Variants in CNBD2 observed in about 807,000 individuals in gnomAD.
CNBD2 encodes the protein cyclic nucleotide-binding domain-containing protein 2.
CNBD2 carries 64 observed loss-of-function variants against 63.7 expected under a neutral mutation model. The ratio of observed to expected loss-of-function variants is 1.00; its 90% CI spans 0.82 to 1.24. The LOEUF (loss-of-function observed/expected upper bound fraction) is 1.24. CNBD2 is among the 50% of genes most tolerant of loss of function. The probability of loss-of-function intolerance (pLI) is 0.00; values close to 1 mark genes in which losing one functional copy is unlikely to be tolerated. For synonymous variants in CNBD2, 229 were observed against 255.4 expected (o/e 0.90, Z 0.99); for missense variants, 691 against 713.5 (o/e 0.97, Z 0.36).
At chr20:36,005,018 A>G (rs2056965349) in intron 8 of CNBD2, among the ~76,000 whole-genome samples, 1 of 152,186 alleles carries the variant, frequency 6.6e-6, no homozygotes, top group African/African-American at 2.4e-5. Context: ...TTATATGCAT[A>G]TATCATAATT....
intron 7 of CNBD2, among the ~76,000 whole-genome samples, chr20:35,991,519 A>C (rs549253528): frequency 1.2e-4 from 18 of 152,294 alleles, no homozygotes; most frequent in Admixed American, 2.6e-4. Context: ...CTCTGTGCTA[A>C]AATTTTGAGG....
intron 10 of CNBD2, among the ~76,000 whole-genome samples, chr20:36,022,422 TCTC>T (rs1207733575): frequency 1.3e-5 from 2 of 151,710 alleles, no homozygotes; most frequent in East Asian, 3.9e-4. Flanking sequence ...ATGGTCTTGA[TCTC>T]CTGATCTCGT....
intron 8 of CNBD2, among the ~76,000 whole-genome samples, chr20:36,002,260 G>C (rs1330822001): frequency 6.6e-6 from 1 of 152,266 alleles, no homozygotes; most frequent in East Asian, 1.9e-4. Context: ...AGTCAGGCGT[G>C]GCGGTGCGCG....
chr20:36,008,361 C>A lies in CNBD2; in HGVS notation c.1035C>A (p.Ser345Arg), dbSNP rs2057012533. ...AATCATATCCTCTGCAAGACTTTAG[C>A]TCCTTGAAACTTCCACATCTCAAAA... ...QIKSYPLQDF[S>R]SLKLPHLKKA... Residue 345 changes from serine (S) to arginine (R), a missense_variant, in exon 9 of 12, where the codon AGC becomes AGA. Transcript: ENST00000373973. 6.2e-7 allele frequency: 1 copy of A among 1,613,862 alleles called. No individual in the cohort carries two copies. Among genetic ancestry groups the A allele is most frequent in the African/African-American group, 1.3e-5 (1 of 74,918 alleles).
intron 8 of CNBD2, among the ~76,000 whole-genome samples, chr20:36,005,107 G>A (rs1015853943): frequency 1.3e-5 from 2 of 152,224 alleles, no homozygotes; most frequent in South Asian, 2.1e-4. Context: ...TGGTGTGTTT[G>A]TCTTTGCATC....
chr20:35,989,903 A>C (rs1190015429), intron 7 of CNBD2, among the ~76,000 whole-genome samples: 1 of 116,042 alleles, frequency 8.6e-6, no homozygotes, highest in Non-Finnish European at 1.8e-5. Flanking sequence ...AGGGGAGGGG[A>C]GGGGAGGGGG....
intron 4 of CNBD2, among the ~76,000 whole-genome samples, chr20:35,983,367 C>G (rs1005852748): frequency 6.6e-6 from 1 of 152,010 alleles, no homozygotes; most frequent in Admixed American, 6.6e-5. Context: ...GACTTGCATA[C>G]GAAATACAGA....
At chr20:35,955,603 C>G (rs2056248539), downstream of CNBD2, among the ~76,000 whole-genome samples, 1 of 152,140 alleles carries the variant, frequency 6.6e-6, no homozygotes, top group Non-Finnish European at 1.5e-5. Context: ...AAACTGCTTG[C>G]TATCTCTGAG....
chr20:36,002,223 C>A (rs1379286180), intron 8 of CNBD2, among the ~76,000 whole-genome samples: 1 of 152,226 alleles, frequency 6.6e-6, no homozygotes, highest in African/African-American at 2.4e-5. Context: ...AGCGAAACCC[C>A]GTCTCCACCA....
At chr20:35,968,940 C>A (rs2056373938) in intron 1 of CNBD2, 127 bp downstream of exon 1, 2 of 671,278 alleles carry the variant, frequency 3.0e-6, no homozygotes, top group East Asian at 5.9e-5. Context: ...CTTTTGGAGT[C>A]ACAGCATGGC....
At chr20:35,987,974 A>T (rs1258334712) in intron 7 of CNBD2, among the ~76,000 whole-genome samples, 1 of 152,074 alleles carries the variant, frequency 6.6e-6, no homozygotes, top group Non-Finnish European at 1.5e-5. Context: ...GGTTTCAGCA[A>T]TTCTTCTGCC....
upstream of CNBD2, chr20:35,954,690 G>T: frequency 8.7e-7 from 1 of 1,150,264 alleles, no homozygotes; most frequent in Non-Finnish European, 1.1e-6. Flanking sequence ...CGGAGGAGGA[G>T]CCTGAATGTT....
intron 8 of CNBD2, among the ~76,000 whole-genome samples, chr20:36,007,703 T>G (rs898842498): frequency 1.3e-5 from 2 of 152,156 alleles, no homozygotes; most frequent in Non-Finnish European, 2.9e-5. Context: ...TTTAATTTAT[T>G]GTAGAGATGA....
chr20:35,961,295 G>A (rs941204203), intron 2 of CNBD2, among the ~76,000 whole-genome samples: 1 of 152,084 alleles, frequency 6.6e-6, no homozygotes, highest in African/African-American at 2.4e-5. Context: ...CCTATCTTCT[G>A]TTCTCAGCAA....
intron 8 of CNBD2, among the ~76,000 whole-genome samples, chr20:36,006,185 T>C (rs933556443): frequency 3.4e-4 from 52 of 151,138 alleles, no homozygotes; most frequent in African/African-American, 1.3e-3. Flanking sequence ...TGCACCACCA[T>C]GCCCAGCTAA....
At chr20:35,960,856 C>G (rs2056303281) in intron 2 of CNBD2, among the ~76,000 whole-genome samples, 1 of 149,188 alleles carries the variant, frequency 6.7e-6, no homozygotes, top group African/African-American at 2.5e-5. Flanking sequence ...CCCCTCTCTT[C>G]CCTTCTCTTC....
At chr20:35,985,255 C>T (rs2056652604) in intron 6 of CNBD2, among the ~76,000 whole-genome samples, 1 of 152,024 alleles carries the variant, frequency 6.6e-6, no homozygotes, top group Non-Finnish European at 1.5e-5. Context: ...GTTGTGATCG[C>T]ATCACTGCAC....
At chr20:35,975,068 C>G (rs2147212415) in intron 2 of CNBD2, 1 of 142,314 alleles carries the variant, frequency 7.0e-6, no homozygotes, top group African/African-American at 2.6e-5. Flanking sequence ...GTGGCGCGAT[C>G]TCGGCTCACT....
chr20:35,987,518 C>T lies in CNBD2; in HGVS notation c.840C>T (p.Ile280=). The change falls in exon 7 of 12, where the codon ATC becomes ATT. Residue 280 remains isoleucine, a synonymous_variant. Transcript: ENST00000373973. ...AAGATTTTGGAGAGTCACCCTTCAT[C>T]ATGTTTATCAGCAAGGTGAAAAGTC... ...ISKDFGESPF[I]MFISKGSCEV... 6.2e-7 allele frequency: 1 copy of T among 1,614,166 alleles called. No homozygotes were observed. Among genetic ancestry groups the T allele is most frequent in the Non-Finnish European group, 8.5e-7 (1 of 1,180,014 alleles).
Sources: allele counts gnomAD v4.1 joint callset (sites outside exome capture counted in the v4.1 genomes callset), GRCh38; gene constraint gnomAD v4.1.1; transcripts MANE v1.5; gene names NCBI Gene and HGNC (gene_info 2026-07-23, HGNC 2026-07-21).